LINGO2: variants seen among roughly 807,000 people sequenced by gnomAD.
LINGO2 encodes the protein leucine rich repeat and Ig domain containing 2.
In LINGO2, 14 loss-of-function variants were observed where a neutral mutation model predicts 30.6. That is an observed-to-expected ratio of 0.46 (90% CI 0.30 to 0.72). The LOEUF is 0.72. LINGO2 is among the 30% of genes least tolerant of loss of function. LINGO2 has a pLI of 0.07. For missense variants in LINGO2, 729 were observed against 751.7 expected (o/e 0.97, Z 0.35); for synonymous variants, 317 against 288.5 (o/e 1.10, Z -1.00).
chr9:28,850,632 G>C, the LINGO2 span, among the ~76,000 whole-genome samples: 1 of 152,146 alleles, frequency 6.6e-6, no homozygotes, highest in Admixed American at 6.6e-5. Flanking sequence ...TTCCAGAGGA[G>C]GGAATGCATA....
the LINGO2 span, among the ~76,000 whole-genome samples, chr9:28,749,375 T>C: frequency 1.3e-5 from 2 of 152,042 alleles, no homozygotes; most frequent in Admixed American, 6.6e-5. Flanking sequence ...TTACTTTGAC[T>C]TGGAAATGTA....
At chr9:28,444,658 T>G (rs1474591377) in intron 2 of LINGO2, among the ~76,000 whole-genome samples, 1 of 152,132 alleles carries the variant, frequency 6.6e-6, no homozygotes, top group Non-Finnish European at 1.5e-5. Context: ...ATTCCCCTCA[T>G]CCAGACACTG....
chr9:28,783,298 C>G, the LINGO2 span, among the ~76,000 whole-genome samples: 3 of 152,144 alleles, frequency 2.0e-5, no homozygotes, highest in East Asian at 3.9e-4. Context: ...TTATATATAA[C>G]CTGTGCAAAT....
the LINGO2 span, among the ~76,000 whole-genome samples, chr9:29,117,504 A>G: frequency 9.9e-5 from 15 of 152,196 alleles, no homozygotes; most frequent in Non-Finnish European, 1.8e-4. Flanking sequence ...TGTAATGTGA[A>G]CATCACAGAG....
chr9:28,273,603 T>C (rs1564088316), intron 4 of LINGO2, among the ~76,000 whole-genome samples: 1 of 152,198 alleles, frequency 6.6e-6, no homozygotes, highest in Non-Finnish European at 1.5e-5. Flanking sequence ...AATTCTGCCA[T>C]GCAACTTTTA....
At chr9:29,081,067 C>G in the LINGO2 span, among the ~76,000 whole-genome samples, 1 of 152,112 alleles carries the variant, frequency 6.6e-6, no homozygotes, top group East Asian at 1.9e-4. Context: ...TCCTCCCTAA[C>G]TCATTTTATG....
chr9:28,982,332 C>T, the LINGO2 span, among the ~76,000 whole-genome samples: 4 of 151,898 alleles, frequency 2.6e-5, no homozygotes, highest in Non-Finnish European at 2.9e-5. Context: ...AGTCTTTTGG[C>T]GGTAGAAAAT....
Position 28,636,897 on chromosome 9 carries a change from A to T in LINGO2, c.-365+33303T>A, listed in dbSNP as rs148889400. ...TGTTTTAGACATGAGGTCCTTGCCC[A>T]TGCCTATGTCCTGAATGGTATTCCT... On this transcript the variant is annotated intron_variant, in intron 1 of 5. Transcript: ENST00000379992. Among the ~76,000 whole-genome samples the T allele has an allele frequency of 1.7e-3, 257 of 152,304 alleles. 1 individual carries two copies. Among genetic ancestry groups the T allele is most frequent in the African/African-American group, 5.7e-3 (239 of 41,582 alleles).
intron 2 of LINGO2, among the ~76,000 whole-genome samples, chr9:28,437,821 T>A (rs1046744345): frequency 2.6e-5 from 4 of 152,170 alleles, no homozygotes; most frequent in African/African-American, 4.8e-5. Flanking sequence ...GGCCCTTTCA[T>A]AATTTTTCAA....
chr9:28,938,256 T>G, the LINGO2 span, among the ~76,000 whole-genome samples: 1 of 152,202 alleles, frequency 6.6e-6, no homozygotes, highest in East Asian at 1.9e-4. Context: ...ATTTATGGGT[T>G]ACCTCTTTAT....
chr9:29,022,977 C>CAAA, the LINGO2 span, among the ~76,000 whole-genome samples: 5,648 of 133,188 alleles, frequency 0.042, 162 homozygotes, highest in Admixed American at 0.086. Context: ...CTCTTTGAGC[C>CAAA]AAAAAAAAAA....
At chr9:28,490,947 G>GA (rs1056118609) in intron 1 of LINGO2, among the ~76,000 whole-genome samples, 1 of 151,906 alleles carries the variant, frequency 6.6e-6, no homozygotes, top group Admixed American at 6.6e-5. Flanking sequence ...TTAAAATCTG[G>GA]AAAAAAATAC....
intron 4 of LINGO2, among the ~76,000 whole-genome samples, chr9:28,152,026 T>C (rs1226161360): frequency 2.0e-5 from 3 of 152,270 alleles, no homozygotes; most frequent in Non-Finnish European, 4.4e-5. Context: ...CTACCAAATA[T>C]AAGATATACT....
intron 2 of LINGO2, among the ~76,000 whole-genome samples, chr9:28,387,739 A>G (rs1435594322): frequency 2.0e-5 from 3 of 152,198 alleles, no homozygotes; most frequent in Non-Finnish European, 4.4e-5. Flanking sequence ...CAAGACTACA[A>G]ACCCACTGGG....
chr9:28,462,139 A>G (rs1289034031), intron 2 of LINGO2, among the ~76,000 whole-genome samples: 2 of 152,094 alleles, frequency 1.3e-5, no homozygotes, highest in Non-Finnish European at 2.9e-5. Context: ...AATCTCATAG[A>G]ATCAGAGTAA....
chr9:28,016,280 A>T (rs944829331), intron 4 of LINGO2, among the ~76,000 whole-genome samples: 1 of 152,120 alleles, frequency 6.6e-6, no homozygotes, highest in Non-Finnish European at 1.5e-5. Context: ...TAGGCTTGGC[A>T]TTATGTCCAG....
chr9:28,779,879 T>C, the LINGO2 span, among the ~76,000 whole-genome samples: 2 of 152,080 alleles, frequency 1.3e-5, no homozygotes, highest in African/African-American at 4.8e-5. Flanking sequence ...TTCACCTCTA[T>C]CTCTCTCCCT....
At chr9:28,759,456 G>A in the LINGO2 span, among the ~76,000 whole-genome samples, 1 of 151,998 alleles carries the variant, frequency 6.6e-6, no homozygotes, top group Non-Finnish European at 1.5e-5. Context: ...GACGAGGCGG[G>A]TGGATCACAA....
chr9:28,959,309 A>T, the LINGO2 span, among the ~76,000 whole-genome samples: 1 of 152,170 alleles, frequency 6.6e-6, no homozygotes, highest in Admixed American at 6.5e-5. Flanking sequence ...CTATTGTCTC[A>T]TAAGAACAAT....
Sources: gnomAD v4.1 joint callset for allele counts (sites outside exome capture counted in the v4.1 genomes callset) on GRCh38, gnomAD v4.1.1 for gene constraint, MANE v1.5 for transcripts, NCBI Gene and HGNC (gene_info 2026-07-23, HGNC 2026-07-21) for gene names.